Variants in CSMD3 observed in about 807,000 individuals in gnomAD.
The protein encoded by CSMD3 is CUB and Sushi multiple domains 3, also known as CUB and sushi domain-containing protein 3.
CSMD3 carries 177 observed loss-of-function variants against 435.2 expected under a neutral mutation model. That is an observed-to-expected ratio of 0.41 (90% CI 0.36 to 0.46). CSMD3 has a LOEUF of 0.46. Among genes scored for constraint, CSMD3 ranks in the 20% least tolerant of loss-of-function variants. The probability of loss-of-function intolerance (pLI) is 0.34; values close to 1 mark genes in which losing one functional copy is unlikely to be tolerated. For synonymous variants in CSMD3, 1,656 were observed against 1,520.5 expected, an observed-to-expected ratio of 1.09 and a Z score of -2.07; for missense variants, 4,265 against 4,504.6, an observed-to-expected ratio of 0.95 and a Z score of 1.52.
At chr8:113,097,446 C>A (rs1403481926) in intron 5 of CSMD3, among the ~76,000 whole-genome samples, 1 of 151,940 alleles carries the variant, frequency 6.6e-6, no homozygotes, top group Non-Finnish European at 1.5e-5. Flanking sequence ...ATGACTCCTT[C>A]GGTTTTCTTT....
At chr8:113,021,430 C>T (rs2086680406) in intron 5 of CSMD3, among the ~76,000 whole-genome samples, 1 of 152,150 alleles carries the variant, frequency 6.6e-6, no homozygotes, top group South Asian at 2.1e-4. Flanking sequence ...TTCCCTATTT[C>T]GATGAACATG....
At chr8:112,246,788 TCTTTACAAAAAGAA>T (rs1376591033) in intron 64 of CSMD3, among the ~76,000 whole-genome samples, 8 of 152,096 alleles carry the variant, frequency 5.3e-5, no homozygotes, top group Non-Finnish European at 8.8e-5. Context: ...AAACATAAGG[TCTTTACAAAAAGAA>T]CAAAATTGTG....
At chr8:113,232,350 T>G (rs1013594101) in intron 3 of CSMD3, among the ~76,000 whole-genome samples, 1 of 151,750 alleles carries the variant, frequency 6.6e-6, no homozygotes, top group African/African-American at 2.4e-5. Context: ...CCTCTTATTT[T>G]CTCTCTTTTC....
intron 2 of CSMD3, among the ~76,000 whole-genome samples, chr8:113,300,348 T>C (rs2093756284): frequency 6.6e-6 from 1 of 151,844 alleles, no homozygotes; most frequent in Non-Finnish European, 1.5e-5. Flanking sequence ...CAAAGGAAAA[T>C]TCTATAAAAA....
intron 1 of CSMD3, among the ~76,000 whole-genome samples, chr8:113,380,840 A>G (rs936175133): frequency 6.6e-6 from 1 of 152,114 alleles, no homozygotes; most frequent in Admixed American, 6.6e-5. Context: ...TTTTCAGAAT[A>G]TGTGATGTGG....
chr8:112,694,523 C>T (rs2076210105), intron 13 of CSMD3, among the ~76,000 whole-genome samples: 1 of 151,920 alleles, frequency 6.6e-6, no homozygotes, highest in East Asian at 1.9e-4. Context: ...TTTTTCTTTG[C>T]TCCATTAATA....
chr8:112,750,732 T>C (rs908933348), intron 13 of CSMD3, among the ~76,000 whole-genome samples: 2 of 152,048 alleles, frequency 1.3e-5, no homozygotes, highest in Non-Finnish European at 1.5e-5. Context: ...GTTCAGATCA[T>C]ACAGTGTTAA....
intron 10 of CSMD3, among the ~76,000 whole-genome samples, chr8:112,871,752 C>A (rs73702241): frequency 0.01 from 1,573 of 152,118 alleles, 36 homozygotes; most frequent in African/African-American, 0.036. Flanking sequence ...TATGTTCAAA[C>A]ATACCTTCTC....
intron 10 of CSMD3, among the ~76,000 whole-genome samples, chr8:112,876,607 A>C (rs901025398): frequency 3.9e-4 from 59 of 152,166 alleles, no homozygotes; most frequent in African/African-American, 1.4e-3. Flanking sequence ...ATAGATGCAT[A>C]AAAGGCCTTC....
intron 24 of CSMD3, among the ~76,000 whole-genome samples, chr8:112,568,614 T>G (rs1829255650): frequency 6.6e-6 from 1 of 151,662 alleles, no homozygotes; most frequent in Admixed American, 6.6e-5. Flanking sequence ...GAATGGGATA[T>G]TTTCTCCCTG....
At chr8:112,723,066 T>A (rs1359813872) in intron 13 of CSMD3, among the ~76,000 whole-genome samples, 1 of 151,466 alleles carries the variant, frequency 6.6e-6, no homozygotes, top group Non-Finnish European at 1.5e-5. Context: ...TTCATTAAGG[T>A]ATTGATAAAA....
At chr8:113,280,139 T>C (rs546489575) in intron 2 of CSMD3, among the ~76,000 whole-genome samples, 8 of 151,986 alleles carry the variant, frequency 5.3e-5, no homozygotes, top group African/African-American at 9.6e-5. Flanking sequence ...TTTTTGGTTA[T>C]GTCCTTTCCT....
chr8:112,232,926 A>G (rs375231206), intron 68 of CSMD3, among the ~76,000 whole-genome samples: 50 of 152,314 alleles, frequency 3.3e-4, no homozygotes, highest in African/African-American at 1.1e-3. Flanking sequence ...ACTTAATACC[A>G]CAGCCTCAAG....
At chr8:112,824,972 G>T (rs575180930) in intron 12 of CSMD3, among the ~76,000 whole-genome samples, 1 of 152,086 alleles carries the variant, frequency 6.6e-6, no homozygotes, top group Non-Finnish European at 1.5e-5. Flanking sequence ...TTTTGACATA[G>T]TTCCATATTT....
Position 112,222,950 on chromosome 8 carries a change from T to G in CSMD3, c.*1821A>C, listed in dbSNP as rs1268371575. 1 of 395,980 alleles carries G rather than the reference T, an allele frequency of 2.5e-6. No individual in the cohort carries two copies. The highest frequency in any genetic ancestry group is 4.5e-6 in the Non-Finnish European group (1 of 224,036). 24.5% of individuals were successfully genotyped at this position (395,980 alleles called of 1,614,324 possible). The stretch of plus-strand genomic sequence containing the variant: ...ACATTTTACAAAAGCAATTATCCAT[T>G]TTTATTTTGTTTACATTGCACTGAA... On this transcript the variant is annotated 3_prime_UTR_variant, in exon 71 of 71. Coordinates refer to ENST00000297405, the MANE Select transcript of CSMD3 (RefSeq NM_198123.2).
chr8:113,404,248 TATG>T (rs2094522607), intron 1 of CSMD3, among the ~76,000 whole-genome samples: 1 of 151,542 alleles, frequency 6.6e-6, no homozygotes, highest in South Asian at 2.1e-4. Flanking sequence ...AAATGCATAA[TATG>T]ATATAAAATA....
At chr8:112,491,365 G>A (rs896562008) in intron 31 of CSMD3, among the ~76,000 whole-genome samples, 3 of 151,942 alleles carry the variant, frequency 2.0e-5, no homozygotes, top group Admixed American at 2.0e-4. Flanking sequence ...AAAGTAATAT[G>A]TACTCTCGGC....
At chr8:112,683,372 G>T (rs1249285916) in intron 15 of CSMD3, among the ~76,000 whole-genome samples, 1 of 151,846 alleles carries the variant, frequency 6.6e-6, no homozygotes, top group Non-Finnish European at 1.5e-5. Context: ...GTATCCCCTG[G>T]ACCGGATTTT....
At chr8:112,395,150 T>C (rs547406431) in intron 35 of CSMD3, among the ~76,000 whole-genome samples, 1 of 152,290 alleles carries the variant, frequency 6.6e-6, no homozygotes, top group South Asian at 2.1e-4. Context: ...AGATATATGA[T>C]AAATTTCTGT....
Sources: gnomAD v4.1 joint callset for allele counts (sites outside exome capture counted in the v4.1 genomes callset) on GRCh38, gnomAD v4.1.1 for gene constraint, MANE v1.5 for transcripts, NCBI Gene and HGNC (gene_info 2026-07-23, HGNC 2026-07-21) for gene names.